The following MTF2 variants were observed in gnomAD, a reference collection of about 807,000 sequenced individuals.
The protein encoded by MTF2 is metal-response element-binding transcription factor 2.
In MTF2, 11 loss-of-function variants were observed where a neutral mutation model predicts 79.5. The observed-to-expected ratio is 0.14, with a 90% CI of 0.09 to 0.23. MTF2 has a LOEUF of 0.23. MTF2 is among the 10% of genes least tolerant of loss of function. The probability of loss-of-function intolerance (pLI) is 1.00; values close to 1 mark genes in which losing one functional copy is unlikely to be tolerated. For synonymous variants in MTF2, 208 were observed against 232.8 expected (o/e 0.89, Z 0.97); for missense variants, 486 against 711.2 (o/e 0.68, Z 3.60).
chr1:93,091,965 A>G, intron 1 of MTF2, among the ~76,000 whole-genome samples: 1 of 152,188 alleles, frequency 6.6e-6, no homozygotes, highest in South Asian at 2.1e-4. Flanking sequence ...AAAAAGCCCC[A>G]CAGTTTACCT....
chr1:93,082,880 C>A (rs192207757), intron 1 of MTF2, among the ~76,000 whole-genome samples: 1 of 152,284 alleles, frequency 6.6e-6, no homozygotes, highest in Non-Finnish European at 1.5e-5. Flanking sequence ...TATCCACTAT[C>A]CTCTGGCAAC....
chr1:93,109,999 T>C (rs1047572639), intron 1 of MTF2, among the ~76,000 whole-genome samples: 5 of 152,232 alleles, frequency 3.3e-5, no homozygotes, highest in Non-Finnish European at 7.3e-5. Context: ...TTGGAGTGTT[T>C]GCTGAGTCTT....
rs71586777 is a variant in MTF2 at position 93,101,366 on chromosome 1, C to CTT, written c.6-8839_6-8838dup. 2.7e-3 allele frequency among the ~76,000 whole-genome samples: 292 copies of CTT among 108,588 alleles called. 4 individuals carry two copies. The highest frequency in any genetic ancestry group is 0.014 in the Admixed American group (138 of 10,204). The allele number at this position is 108,588 out of a possible 152,430, so 71.2% of individuals were successfully genotyped here. A position where few individuals can be genotyped will look rare whatever the true frequency, so the allele number is the denominator to read the frequency against. The stretch of plus-strand genomic sequence containing the variant: ...ATGTAACAAAATTTACTATCTTAAC[C>CTT]TTTTTTTTTTTTTTTTTTTTTTTTT... On this transcript the variant is annotated intron_variant, in intron 1 of 14. Transcript: ENST00000370298.
At chr1:93,134,225 CT>C in intron 14 of MTF2, 30 bp downstream of exon 14, 1 of 1,456,898 alleles carries the variant, frequency 6.9e-7, no homozygotes, top group Non-Finnish European at 9.5e-7. Context: ...ATTTTTTTTA[CT>C]TTTTTTACTC....
rs5776171 is a variant in MTF2, at chr1:93,128,555, C to CA, written c.990-704dup. Among the ~76,000 whole-genome samples, 287 of 113,788 alleles carry CA rather than the reference C, an allele frequency of 2.5e-3. 2 individuals are homozygous for CA. The highest frequency in any genetic ancestry group is 7.8e-3 in the African/African-American group (232 of 29,736). 74.6% of individuals were successfully genotyped at this position (113,788 alleles called of 152,430 possible). ...TGGGTGACAGAGCGAGACTCTGTCTCAAAAAAAAAAAAAAAAAAATTAAAA... is the reference window on the plus strand; with the variant it reads ...TGGGTGACAGAGCGAGACTCTGTCTCAAAAAAAAAAAAAAAAAAAATTAAAA... On this transcript the variant is annotated intron_variant, in intron 10 of 14. Transcript: ENST00000370298.
chr1:93,098,916 A>G (rs1245660367), intron 1 of MTF2, among the ~76,000 whole-genome samples: 1 of 152,214 alleles, frequency 6.6e-6, no homozygotes, highest in Non-Finnish European at 1.5e-5. Context: ...CTGAGCCACT[A>G]GTAGCAACCC....
chr1:93,082,366 A>G (rs1654643113), intron 1 of MTF2, among the ~76,000 whole-genome samples: 1 of 151,082 alleles, frequency 6.6e-6, no homozygotes, highest in African/African-American at 2.4e-5. Context: ...CTGCTGCCTC[A>G]GACTCTTGGG....
intron 14 of MTF2, among the ~76,000 whole-genome samples, chr1:93,135,213 C>T (rs1647337132): frequency 6.6e-6 from 1 of 152,176 alleles, no homozygotes; most frequent in Admixed American, 6.5e-5. Flanking sequence ...CTCAAGTGAT[C>T]CACCTGCCTC....
intron 1 of MTF2, among the ~76,000 whole-genome samples, chr1:93,100,166 A>T (rs1291495310): frequency 6.6e-6 from 1 of 152,218 alleles, no homozygotes; most frequent in Non-Finnish European, 1.5e-5. Context: ...AGTTAAAAAA[A>T]ACCCACTTGC....
intron 1 of MTF2, among the ~76,000 whole-genome samples, chr1:93,104,653 T>TG (rs1411560213): frequency 1.5e-5 from 2 of 135,730 alleles, no homozygotes; most frequent in East Asian, 2.2e-4. Context: ...TACTCCAGCC[T>TG]GGTGACAGAG....
In MTF2 at chr1:93,134,083, T is replaced by C; in HGVS notation, c.1320-8T>C. 1 of 1,597,680 alleles carries C rather than the reference T, an allele frequency of 6.3e-7. No individual in the cohort carries two copies. The highest frequency in any genetic ancestry group is 8.5e-7 in the Non-Finnish European group (1 of 1,170,800). On this transcript the variant is annotated splice_polypyrimidine_tract_variant and splice_region_variant and intron_variant, in intron 13 of 14. Coordinates refer to ENST00000370298, the MANE Select transcript of MTF2 (RefSeq NM_007358.4). The stretch of plus-strand genomic sequence containing the variant: ...AGTCGTTACACAATTTAAATTCTTT[T>C]GTCTCAGGAGAACTGAGGGAACTGC...
chr1:93,134,427 T>C (rs1301696687), intron 14 of MTF2: 1 of 475,134 alleles, frequency 2.1e-6, no homozygotes, highest in Non-Finnish European at 3.7e-6. Context: ...ATTTGCTGTG[T>C]ACACAGAGAA....
At chr1:93,090,953 G>A (rs1204964362) in intron 1 of MTF2, among the ~76,000 whole-genome samples, 1 of 152,098 alleles carries the variant, frequency 6.6e-6, no homozygotes, top group African/African-American at 2.4e-5. Context: ...GTGAGCCACC[G>A]CACCCAGCCT....
At chr1:93,081,045 T>C (rs181111692) in intron 1 of MTF2, 1 of 152,298 alleles carries the variant, frequency 6.6e-6, no homozygotes, top group East Asian at 1.9e-4. Context: ...AAAAATGTTC[T>C]AAATATTTGA....
chr1:93,082,856 C>A (rs912639939), intron 1 of MTF2, among the ~76,000 whole-genome samples: 2 of 152,160 alleles, frequency 1.3e-5, no homozygotes, highest in Non-Finnish European at 2.9e-5. Context: ...CATTAACAGT[C>A]AGTCCCCTTC....
chr1:93,123,729 T>A (rs556063366), intron 9 of MTF2, among the ~76,000 whole-genome samples: 2 of 151,996 alleles, frequency 1.3e-5, no homozygotes, highest in East Asian at 3.9e-4. Flanking sequence ...AATCTTACAT[T>A]GAATCAGTTG....
At chr1:93,113,072 T>C (rs1157637023) in intron 3 of MTF2, among the ~76,000 whole-genome samples, 1 of 152,134 alleles carries the variant, frequency 6.6e-6, no homozygotes, top group Non-Finnish European at 1.5e-5. Context: ...GAGACCACCT[T>C]CAACGAAGTG....
intron 9 of MTF2, chr1:93,121,059 C>G: frequency 5.1e-6 from 5 of 976,486 alleles, no homozygotes; most frequent in Non-Finnish European, 6.1e-6. Flanking sequence ...TCCTTCCTCT[C>G]TTGTTGGTAC....
chr1:93,121,753 A>G, intron 9 of MTF2: 2 of 899,532 alleles, frequency 2.2e-6, no homozygotes, highest in Non-Finnish European at 2.7e-6. Flanking sequence ...CTTTTTTTTT[A>G]GATGAAGTCT....
Sources: gnomAD v4.1 joint callset for allele counts (sites outside exome capture counted in the v4.1 genomes callset) on GRCh38, gnomAD v4.1.1 for gene constraint, MANE v1.5 for transcripts, NCBI Gene and HGNC (gene_info 2026-07-23, HGNC 2026-07-21) for gene names.